The following FOXN2 variants were observed in gnomAD, a reference collection of about 807,000 sequenced individuals.
FOXN2 encodes the protein forkhead box protein N2.
FOXN2 carries 19 observed loss-of-function variants against 41.2 expected under a neutral mutation model. The observed-to-expected ratio is 0.46, with a 90% confidence interval of 0.32 to 0.68. FOXN2 has a LOEUF of 0.68. Ranked by LOEUF, FOXN2 falls within the 30% of genes least tolerant of loss-of-function variation. The pLI is 0.03. For synonymous variants in FOXN2, 195 were observed against 176.8 expected (o/e 1.10, Z -0.82); for missense variants, 587 against 509.4 (o/e 1.15, Z -1.47).
intron 4 of FOXN2, 21 bp downstream of exon 4, chr2:48,359,168 T>C (rs917232382): frequency 7.1e-6 from 11 of 1,543,610 alleles, no homozygotes; most frequent in Non-Finnish European, 9.9e-6. Context: ...TCCATATAAC[T>C]GTCAGTGGTG....
At chr2:48,355,401 T>C (rs116180196) in intron 3 of FOXN2, among the ~76,000 whole-genome samples, 2,390 of 152,232 alleles carry the variant, frequency 0.016, 54 homozygotes, top group African/African-American at 0.052. Flanking sequence ...TGGTAATATA[T>C]TGGCATAAAA....
intron 4 of FOXN2, among the ~76,000 whole-genome samples, chr2:48,361,447 A>G (rs1371879751): frequency 6.6e-6 from 1 of 151,772 alleles, no homozygotes; most frequent in Admixed American, 6.6e-5. Flanking sequence ...AGCCTGGGCG[A>G]CAGAGCGAGA....
At chr2:48,338,980 A>G (rs1271384979) in intron 2 of FOXN2, among the ~76,000 whole-genome samples, 1 of 152,182 alleles carries the variant, frequency 6.6e-6, no homozygotes, top group Non-Finnish European at 1.5e-5. Context: ...GTATCCAAAC[A>G]TTACAAATCA....
At position 48,346,205 on chromosome 2, in the gene FOXN2, G is replaced by A; in HGVS notation, c.-10G>A. 1 of 1,583,806 alleles carries A rather than the reference G, an allele frequency of 6.3e-7. No individual in the cohort carries two copies. Among genetic ancestry groups the A allele is most frequent in the Non-Finnish European group, 8.6e-7 (1 of 1,167,466 alleles). On this transcript the variant is annotated 5_prime_UTR_variant, in exon 3 of 7. Coordinates refer to ENST00000340553, the MANE Select transcript of FOXN2 (RefSeq NM_002158.4). ...TAATTGTTTCCTTTGTTGCAGAACT[G>A]TAAGAGTAAATGGGTCCAGTAATTG...
intron 2 of FOXN2, among the ~76,000 whole-genome samples, chr2:48,340,062 G>A (rs187669819): frequency 4.9e-4 from 75 of 152,274 alleles, no homozygotes; most frequent in African/African-American, 1.7e-3. Flanking sequence ...AATGTTTAAG[G>A]ATTCTAACAT....
At chr2:48,320,091 G>A (rs574007980) in intron 1 of FOXN2, among the ~76,000 whole-genome samples, 62 of 152,024 alleles carry the variant, frequency 4.1e-4, no homozygotes, top group African/African-American at 1.4e-3. Flanking sequence ...AGGGGAAGAG[G>A]TTTCTTATAA....
At chr2:48,325,927 C>T (rs1355210035) in intron 1 of FOXN2, among the ~76,000 whole-genome samples, 3 of 148,804 alleles carry the variant, frequency 2.0e-5, no homozygotes, top group Non-Finnish European at 3.0e-5. Flanking sequence ...TGGCTCACTG[C>T]AAACTGTGTC....
intron 4 of FOXN2, 147 bp downstream of exon 4, chr2:48,359,294 T>C (rs1572759384): frequency 3.2e-6 from 2 of 629,124 alleles, no homozygotes; most frequent in East Asian, 6.1e-5. Context: ...TTTTAGTTTT[T>C]GTTTTTGTTT....
At chr2:48,333,710 A>G (rs758949899) in intron 2 of FOXN2, among the ~76,000 whole-genome samples, 3 of 152,224 alleles carry the variant, frequency 2.0e-5, no homozygotes, top group South Asian at 2.1e-4. Context: ...TAGAAATCCA[A>G]AATGCTCCAG....
At chr2:48,343,663 G>T (rs1009521137) in intron 2 of FOXN2, among the ~76,000 whole-genome samples, 1 of 152,080 alleles carries the variant, frequency 6.6e-6, no homozygotes, top group Non-Finnish European at 1.5e-5. Flanking sequence ...GGAGGCTGGG[G>T]CAGGAGGATC....
chr2:48,336,478 C>T (rs1457737651), intron 2 of FOXN2, among the ~76,000 whole-genome samples: 6 of 147,742 alleles, frequency 4.1e-5, no homozygotes, highest in Non-Finnish European at 7.4e-5. Context: ...TATTTATTTA[C>T]GAGCAGACTA....
rs541614403 is a variant in FOXN2 at position 48,323,341 on chromosome 2, A to G, written c.-156-5220A>G. On this transcript the variant is annotated intron_variant, in intron 1 of 6. Coordinates refer to ENST00000340553, the MANE Select transcript of FOXN2 (RefSeq NM_002158.4). ...CGTTTTTCATAATGGCTGTTACTTT[A>G]CATTCCCACCAACAGTGTATGCGCA... 3.9e-5 allele frequency among the ~76,000 whole-genome samples: 6 copies of G among 152,308 alleles called. No homozygotes were observed. In the South Asian group the frequency reaches 6.2e-4, roughly 16 times the overall value.
intron 3 of FOXN2, among the ~76,000 whole-genome samples, chr2:48,349,262 G>T (rs1472758641): frequency 6.6e-6 from 1 of 152,144 alleles, no homozygotes; most frequent in Non-Finnish European, 1.5e-5. Context: ...GAGACAGGTG[G>T]ATCGCTTGAG....
chr2:48,315,493 G>A (rs1432703458), intron 1 of FOXN2, among the ~76,000 whole-genome samples: 1 of 152,178 alleles, frequency 6.6e-6, no homozygotes, highest in Non-Finnish European at 1.5e-5. Flanking sequence ...CTGTTTCAGC[G>A]CTGCAATATG....
At chr2:48,344,170 C>T (rs1670948373) in intron 2 of FOXN2, among the ~76,000 whole-genome samples, 1 of 152,082 alleles carries the variant, frequency 6.6e-6, no homozygotes, top group Non-Finnish European at 1.5e-5. Flanking sequence ...TTACATAGTA[C>T]AGGATATCAG....
intron 3 of FOXN2, among the ~76,000 whole-genome samples, chr2:48,355,669 T>C (rs1671748666): frequency 6.6e-6 from 1 of 152,176 alleles, no homozygotes; most frequent in Non-Finnish European, 1.5e-5. Context: ...AGCATTGCAT[T>C]TGGCAACCTT....
chr2:48,340,621 G>T (rs991488941), intron 2 of FOXN2: 21 of 152,078 alleles, frequency 1.4e-4, no homozygotes, highest in African/African-American at 5.1e-4. Flanking sequence ...ATTGTACTGG[G>T]TTGGTTTGAA....
At chr2:48,372,668 A>G (rs939315336) in intron 5 of FOXN2, among the ~76,000 whole-genome samples, 6 of 152,126 alleles carry the variant, frequency 3.9e-5, no homozygotes, top group African/African-American at 9.6e-5. Flanking sequence ...TTTAAAGCCC[A>G]TTTTTAATGG....
intron 3 of FOXN2, among the ~76,000 whole-genome samples, chr2:48,348,646 G>A (rs1455116279): frequency 2.0e-5 from 3 of 152,204 alleles, no homozygotes; most frequent in Admixed American, 1.3e-4. Flanking sequence ...GTGTGAACAG[G>A]TATTGGTCAG....
Sources: allele counts gnomAD v4.1 joint callset (sites outside exome capture counted in the v4.1 genomes callset), GRCh38; gene constraint gnomAD v4.1.1; transcripts MANE v1.5; gene names NCBI Gene and HGNC (gene_info 2026-07-23, HGNC 2026-07-21).